Variants in TRERF1 observed in about 807,000 individuals in gnomAD.
TRERF1 encodes the protein transcriptional-regulating factor 1.
A neutral mutation model predicts 122.9 loss-of-function variants in TRERF1; 27 were observed. The observed-to-expected ratio is 0.22, with a 90% confidence interval of 0.16 to 0.30. TRERF1 has a LOEUF of 0.30. Among genes scored for constraint, TRERF1 ranks in the 10% least tolerant of loss-of-function variants. The pLI, the probability that TRERF1 is intolerant of heterozygous loss-of-function variation, is 1.00. For synonymous variants in TRERF1, 636 were observed against 641.7 expected, an observed-to-expected ratio of 0.99 and a Z score of 0.13; for missense variants, 1,248 against 1,560.3, an observed-to-expected ratio of 0.80 and a Z score of 3.37.
chr6:42,407,881 T>C (rs756960878), intron 2 of TRERF1, among the ~76,000 whole-genome samples: 2 of 151,370 alleles, frequency 1.3e-5, no homozygotes, highest in African/African-American at 4.9e-5. Context: ...AGCGATTCCA[T>C]ATTCTTGTCG....
intron 4 of TRERF1, among the ~76,000 whole-genome samples, chr6:42,278,396 G>C (rs547166553): frequency 6.6e-6 from 1 of 152,298 alleles, no homozygotes; most frequent in South Asian, 2.1e-4. Flanking sequence ...CTCCAACATA[G>C]TTACCTGGGA....
At chr6:42,326,686 T>C (rs1764349123) in intron 3 of TRERF1, among the ~76,000 whole-genome samples, 1 of 152,210 alleles carries the variant, frequency 6.6e-6, no homozygotes, top group Admixed American at 6.5e-5. Context: ...CATGCACCAA[T>C]GTATCATCTA....
intron 3 of TRERF1, among the ~76,000 whole-genome samples, chr6:42,360,440 C>T (rs1399406888): frequency 6.6e-6 from 1 of 152,212 alleles, no homozygotes; most frequent in African/African-American, 2.4e-5. Flanking sequence ...ATGCTAACTG[C>T]TTCCAACAGG....
intron 3 of TRERF1, among the ~76,000 whole-genome samples, chr6:42,330,860 G>C (rs77619721): frequency 0.034 from 5,101 of 152,020 alleles, 305 homozygotes; most frequent in African/African-American, 0.12. Context: ...TGTATTTTTA[G>C]TAGAAATGGG....
chr6:42,329,738 C>T (rs1251160131), intron 3 of TRERF1, among the ~76,000 whole-genome samples: 1 of 152,102 alleles, frequency 6.6e-6, no homozygotes, highest in African/African-American at 2.4e-5. Flanking sequence ...CGGCTGTAAT[C>T]CCAGCACTTT....
chr6:42,418,331 G>A (rs147418852), intron 2 of TRERF1, among the ~76,000 whole-genome samples: 19 of 137,320 alleles, frequency 1.4e-4, no homozygotes, highest in African/African-American at 4.8e-4. Flanking sequence ...GTTCAATGGC[G>A]CGATCTTGGC....
intron 2 of TRERF1, among the ~76,000 whole-genome samples, chr6:42,395,792 T>C (rs1189738494): frequency 6.6e-6 from 1 of 151,762 alleles, no homozygotes; most frequent in Non-Finnish European, 1.5e-5. Context: ...AGCAAAGGAA[T>C]GAGACACTCT....
intron 2 of TRERF1, among the ~76,000 whole-genome samples, chr6:42,419,916 A>G (rs1405629701): frequency 2.0e-5 from 3 of 152,240 alleles, no homozygotes; most frequent in Non-Finnish European, 4.4e-5. Context: ...CTGAAACCAC[A>G]GCTCAGGTCC....
intron 3 of TRERF1, among the ~76,000 whole-genome samples, chr6:42,327,842 G>A (rs1345126697): frequency 6.6e-6 from 1 of 152,048 alleles, no homozygotes; most frequent in Non-Finnish European, 1.5e-5. Context: ...GGAACAGCAG[G>A]GCAGGCAGAA....
In TRERF1 at chr6:42,263,680, C is replaced by G; in HGVS notation, c.1636-112G>C. 1 of 1,303,848 alleles carries G rather than the reference C, an allele frequency of 7.7e-7. No homozygotes were observed. The highest frequency in any genetic ancestry group is 9.8e-7 in the Non-Finnish European group (1 of 1,019,626). 80.8% of individuals were successfully genotyped at this position (1,303,848 alleles called of 1,614,324 possible). Reference sequence around the variant, plus strand: ...ACATCAGGTATGGGTGATAGAGAACCGCTGCAGGGCGATTTCCTTCCTGCA... The same window carrying G: ...ACATCAGGTATGGGTGATAGAGAACGGCTGCAGGGCGATTTCCTTCCTGCA... On this transcript the variant is annotated intron_variant, in intron 7 of 17. Coordinates refer to ENST00000372922, the Ensembl canonical transcript of TRERF1. The surrounding 1 kb of genome is among the most constrained non-coding windows in gnomAD (Gnocchi z 5.6).
intron 4 of TRERF1, among the ~76,000 whole-genome samples, chr6:42,279,674 C>T (rs930242899): frequency 3.2e-4 from 48 of 152,168 alleles, no homozygotes; most frequent in African/African-American, 1.1e-3. Flanking sequence ...CTGCAAGGGA[C>T]GACAGGGAGG....
intron 3 of TRERF1, among the ~76,000 whole-genome samples, chr6:42,329,810 G>A (rs777223869): frequency 6.6e-6 from 1 of 151,778 alleles, no homozygotes; most frequent in Non-Finnish European, 1.5e-5. Context: ...CCAACATGGT[G>A]AAACCCCATC....
chr6:42,425,529 ATTTTTTTTTTTTTTTTT>A (rs150820164), intron 2 of TRERF1, among the ~76,000 whole-genome samples: 5 of 44,050 alleles, frequency 1.1e-4, no homozygotes, highest in African/African-American at 4.8e-4. Context: ...CCCCCTGGGC[ATTTTTTTTTTTTTTTTT>A]TTTTTTTTTT....
intron 3 of TRERF1, among the ~76,000 whole-genome samples, chr6:42,339,500 G>T (rs1169427766): frequency 6.6e-6 from 1 of 152,172 alleles, no homozygotes; most frequent in African/African-American, 2.4e-5. Flanking sequence ...CTGAACCCAG[G>T]AAACTCAATA....
At chr6:42,365,517 C>T (rs1439909390) in intron 2 of TRERF1, among the ~76,000 whole-genome samples, 1 of 152,152 alleles carries the variant, frequency 6.6e-6, no homozygotes, top group Non-Finnish European at 1.5e-5. Context: ...TGCCTCTTCC[C>T]GCATGAGAAG....
intron 2 of TRERF1, among the ~76,000 whole-genome samples, chr6:42,397,607 C>T (rs981617478): frequency 3.9e-5 from 6 of 152,128 alleles, no homozygotes; most frequent in East Asian, 3.8e-4. Context: ...CACTCATCCT[C>T]GTTGTTTGTC....
chr6:42,254,506 C>T (rs747606865), intron 13 of TRERF1, among the ~76,000 whole-genome samples: 2 of 152,128 alleles, frequency 1.3e-5, no homozygotes, highest in South Asian at 2.1e-4. Context: ...CCAAGGGGTG[C>T]GGTAGAATCT....
exon 18 of TRERF1, chr6:42,225,919 G>C (rs1427085655): frequency 6.6e-6 from 1 of 152,074 alleles, no homozygotes; most frequent in Non-Finnish European, 1.5e-5. Context: ...CCATCTGATA[G>C]TAAACAGTAA....
At chr6:42,348,663 C>T (rs780835525) in intron 3 of TRERF1, among the ~76,000 whole-genome samples, 3 of 152,154 alleles carry the variant, frequency 2.0e-5, no homozygotes, top group Non-Finnish European at 2.9e-5. Flanking sequence ...GGGGACGATC[C>T]ACGTATTAAT....
Sources: allele counts gnomAD v4.1 joint callset (sites outside exome capture counted in the v4.1 genomes callset), GRCh38; gene constraint gnomAD v4.1.1; non-coding constraint Gnocchi (gnomAD v3.1); transcripts MANE v1.5; gene names NCBI Gene and HGNC (gene_info 2026-07-23, HGNC 2026-07-21).